Variants in P2RX4 observed in about 807,000 individuals in gnomAD.
The protein encoded by P2RX4 is P2X purinoceptor 4.
Under a neutral mutation model 48.0 loss-of-function variants are expected in P2RX4, and 37 were observed. The ratio of observed to expected loss-of-function variants is 0.77; its 90% confidence interval spans 0.59 to 1.01. P2RX4 has a LOEUF of 1.01. P2RX4 is among the 50% of genes least tolerant of loss of function. P2RX4 has a pLI of 0.00. For synonymous variants in P2RX4, 200 were observed against 199.7 expected, an observed-to-expected ratio of 1.00 and a Z score of -0.01; for missense variants, 501 against 521.4, an observed-to-expected ratio of 0.96 and a Z score of 0.38.
intron 2 of P2RX4, among the ~76,000 whole-genome samples, chr12:121,220,045 C>A (rs1011553134): frequency 2.0e-5 from 3 of 152,132 alleles, no homozygotes; most frequent in Non-Finnish European, 4.4e-5. Context: ...TTATTTGGCA[C>A]CTTTATACAT....
Position 121,222,101 on chromosome 12 carries a change from A to G in P2RX4, c.362A>G (p.Asp121Gly), listed in dbSNP as rs143293723. 3 of 1,608,764 alleles carry G rather than the reference A, an allele frequency of 1.9e-6. No individual in the cohort carries two copies. Among genetic ancestry groups the G allele is most frequent in the East Asian group, 2.2e-5 (1 of 44,654 alleles). Residue 121 changes from aspartate to glycine, a missense_variant, in exon 4 of 12, where the codon GAT (aspartate) becomes GGT (glycine). Transcript: ENST00000337233. ...CGCTCCTTCTTTTTCCAGATTCCAG[A>G]TGCGACCACTGTGTGTAAATCAGAT... Reference protein sequence around the residue: ...QTQGLCPEIPDATTVCKSDAS... With the variant: ...QTQGLCPEIPGATTVCKSDAS...
At chr12:121,215,919 G>A (rs1408258769) in intron 1 of P2RX4, 1 of 152,060 alleles carries the variant, frequency 6.6e-6, no homozygotes, top group East Asian at 1.9e-4. Context: ...CAGAATTCTT[G>A]GGGGAAAAGT....
chr12:121,211,411 T>C (rs1413841867), intron 1 of P2RX4, among the ~76,000 whole-genome samples: 1 of 151,990 alleles, frequency 6.6e-6, no homozygotes, highest in African/African-American at 2.4e-5. Flanking sequence ...AGGCTGGTCC[T>C]GAACTGACCT....
In P2RX4 at chr12:121,229,593, G is replaced by A. The variant is rs1334882036; in HGVS notation, c.884+494G>A. ...TCCCTGCTGCAAATGCTGGCATCTC[G>A]GTGTCCTGGGGCAGATGTAAGCGAG... On this transcript the variant is annotated intron_variant, in intron 8 of 11. Transcript: ENST00000337233. The surrounding 1 kb of genome is among the most constrained non-coding windows in gnomAD (Gnocchi z 4.6). Among the ~76,000 whole-genome samples, 2 of 152,178 alleles carry A rather than the reference G, an allele frequency of 1.3e-5. No individual in the cohort carries two copies. The highest frequency in any genetic ancestry group is 2.4e-5 in the African/African-American group (1 of 41,438).
chr12:121,224,751 G>A (rs1474126247), intron 5 of P2RX4, among the ~76,000 whole-genome samples: 1 of 152,060 alleles, frequency 6.6e-6, no homozygotes, highest in Admixed American at 6.6e-5. Context: ...TGAGAAGTGC[G>A]TGCAGCCTAG....
intron 2 of P2RX4, among the ~76,000 whole-genome samples, chr12:121,217,762 T>TAAA (rs113432941): frequency 5.7e-5 from 3 of 52,378 alleles, no homozygotes; most frequent in Non-Finnish European, 8.1e-5. Context: ...CCCATCTCTA[T>TAAA]AAAAAAAAAA....
chr12:121,212,623 A>T (rs758060320), intron 1 of P2RX4, among the ~76,000 whole-genome samples: 34 of 149,658 alleles, frequency 2.3e-4, no homozygotes, highest in Non-Finnish European at 4.0e-4. Flanking sequence ...CCCCGTCTCT[A>T]CTAAAAGTAC....
In P2RX4 at chr12:121,222,968, T is replaced by C; in HGVS notation, c.449T>C (p.Val150Ala). The C allele has an allele frequency of 1.2e-6, 2 of 1,613,394 alleles. No homozygotes were observed. The highest frequency in any genetic ancestry group is 1.7e-6 in the Non-Finnish European group (2 of 1,179,366). The change falls in exon 5 of 12, where the codon GTA becomes GCA. Residue 150 changes from valine (V) to alanine (A), a missense_variant. By Grantham distance (64) the Val-to-Ala change is moderately conservative (BLOSUM62 0). This residue lies in a region of P2RX4 where 295 missense variants were observed against 275.3 expected (regional missense o/e 1.07). Coordinates refer to ENST00000337233, the MANE Select transcript of P2RX4 (RefSeq NM_002560.3). ...GTAGGAGTCTCAACAGGCAGGTGCG[T>C]AGCTTTCAACGGGTCTGTCAAGACG... ...HSNGVSTGRC[V>A]AFNGSVKTCE...
chr12:121,217,131 T>A lies in P2RX4; in HGVS notation c.135-3T>A. 6.2e-7 allele frequency: 1 copy of A among 1,613,948 alleles called. No individual in the cohort carries two copies. Among genetic ancestry groups the A allele is most frequent in the African/African-American group, 1.3e-5 (1 of 75,044 alleles). On this transcript the variant is annotated splice_polypyrimidine_tract_variant and splice_region_variant and intron_variant, in intron 1 of 11. Transcript: ENST00000337233. Reference sequence around the variant, plus strand: ...AATTTAAGAGGCCTGTTTTATTTTATAGGTGGGTGTTTGTGTGGGAAAAGG... The same window carrying A: ...AATTTAAGAGGCCTGTTTTATTTTAAAGGTGGGTGTTTGTGTGGGAAAAGG...
chr12:121,219,201 C>T (rs1886417051), intron 2 of P2RX4, among the ~76,000 whole-genome samples: 1 of 152,182 alleles, frequency 6.6e-6, no homozygotes, highest in Non-Finnish European at 1.5e-5. Flanking sequence ...GCAGCTCATG[C>T]CACATCCTCA....
chr12:121,233,514 T>C lies in P2RX4; in HGVS notation c.1141-9T>C. On this transcript the variant is annotated splice_polypyrimidine_tract_variant and intron_variant, in intron 11 of 11. Coordinates refer to ENST00000337233, the MANE Select transcript of P2RX4 (RefSeq NM_002560.3). ...GGGCACCTTGATCTGCTTGTGTCCT[T>C]CTTTGCAGGGTCTTGCTAGTGAGCT... 1 of 1,606,874 alleles carries C rather than the reference T, an allele frequency of 6.2e-7. No homozygotes were observed. Among genetic ancestry groups the C allele is most frequent in the Non-Finnish European group, 8.5e-7 (1 of 1,176,350 alleles).
rs1887415865 is a variant in P2RX4, at chr12:121,232,313, A to G, written c.885-101A>G. On this transcript the variant is annotated intron_variant, in intron 8 of 11. Coordinates refer to ENST00000337233, the MANE Select transcript of P2RX4 (RefSeq NM_002560.3). The surrounding 1 kb of genome is among the most constrained non-coding windows in gnomAD (Gnocchi z 4.3). The stretch of plus-strand genomic sequence containing the variant: ...GCTCCAGCGTCCATTCAGCCGGCAG[A>G]GTGGACCATTCACCTGTGCCAGCTC... 2.4e-6 allele frequency: 2 copies of G among 837,380 alleles called. No homozygotes were observed. Among genetic ancestry groups the G allele is most frequent in the Non-Finnish European group, 4.0e-6 (2 of 496,792 alleles). 51.9% of individuals were successfully genotyped at this position (837,380 alleles called of 1,614,324 possible).
intron 8 of P2RX4, among the ~76,000 whole-genome samples, chr12:121,231,097 C>T (rs1364249550): frequency 2.0e-5 from 3 of 151,616 alleles, no homozygotes; most frequent in African/African-American, 7.3e-5. Flanking sequence ...AAGACATTCT[C>T]CTGCCTCAGC....
At chr12:121,226,498 A>T (rs1886983694) in intron 5 of P2RX4, among the ~76,000 whole-genome samples, 1 of 152,072 alleles carries the variant, frequency 6.6e-6, no homozygotes, top group Non-Finnish European at 1.5e-5. Flanking sequence ...AGCCAAGATC[A>T]TGCCACTGCG....
chr12:121,218,040 T>C (rs1886346876), intron 2 of P2RX4, among the ~76,000 whole-genome samples: 1 of 152,026 alleles, frequency 6.6e-6, no homozygotes. Flanking sequence ...GGGCGACCAG[T>C]AGAGATAAGC....
chr12:121,222,282 T>C (rs771176624), intron 4 of P2RX4, 116 bp downstream of exon 4: 9 of 769,036 alleles, frequency 1.2e-5, no homozygotes, highest in Non-Finnish European at 2.0e-5. Context: ...GTGAGCCAGG[T>C]GCCGAGGCTG....
At chr12:121,215,635 A>T (rs767321568) in intron 1 of P2RX4, 2 of 152,072 alleles carry the variant, frequency 1.3e-5, no homozygotes, top group Non-Finnish European at 2.9e-5. Context: ...TCACTGTCTC[A>T]GTCACGAGAA....
At chr12:121,227,473 G>C (rs903541878) in intron 5 of P2RX4, among the ~76,000 whole-genome samples, 1 of 152,244 alleles carries the variant, frequency 6.6e-6, no homozygotes, top group African/African-American at 2.4e-5. Context: ...GATCCAGCCT[G>C]TAGGCAAATT....
intron 5 of P2RX4, chr12:121,223,446 G>A (rs1431673742): frequency 8.0e-6 from 2 of 250,158 alleles, no homozygotes; most frequent in Non-Finnish European, 1.6e-5. Flanking sequence ...TGGTCAAGGA[G>A]TTACACCTGT....
Sources: gnomAD v4.1 joint callset for allele counts (sites outside exome capture counted in the v4.1 genomes callset) on GRCh38, gnomAD v4.1.1 for gene constraint, gnomAD v4.1.1 regional missense constraint, Gnocchi (gnomAD v3.1) non-coding constraint, MANE v1.5 for transcripts, NCBI Gene and HGNC (gene_info 2026-07-23, HGNC 2026-07-21) for gene names.